STK33: variants seen among roughly 807,000 people sequenced by gnomAD.
STK33 encodes the protein serine/threonine-protein kinase 33.
STK33 carries 52 observed loss-of-function variants against 58.0 expected under a neutral mutation model. The ratio of observed to expected loss-of-function variants is 0.90; its 90% CI spans 0.72 to 1.13. The LOEUF (loss-of-function observed/expected upper bound fraction) is 1.13, where lower values mean the gene tolerates loss of function less well. STK33 is among the 50% of genes most tolerant of loss of function. The pLI is 0.00. For synonymous variants in STK33, 215 were observed against 200.1 expected (o/e 1.07, Z -0.63); for missense variants, 630 against 604.2 (o/e 1.04, Z -0.45).
intron 14 of STK33, among the ~76,000 whole-genome samples, chr11:8,422,102 G>T (rs181069914): frequency 4.1e-4 from 62 of 151,964 alleles, no homozygotes; most frequent in Non-Finnish European, 5.7e-4. Flanking sequence ...AATCCTTCTC[G>T]CATTTCCTAT....
In STK33 at chr11:8,440,894, T is replaced by C. The variant is rs1944661920; in HGVS notation, c.872-141A>G. On this transcript the variant is annotated intron_variant, in intron 11 of 15. Coordinates refer to ENST00000687296, the MANE Select transcript of STK33 (RefSeq NM_001352389.2). ...AAGAGAACCAACAGCAGATCTTAAA[T>C]GAATAATGCACAGGCCTTAACAATT... 1.1e-5 allele frequency: 8 copies of C among 759,574 alleles called. No homozygotes were observed. In the Admixed American group the frequency reaches 1.8e-4, roughly 17 times the overall value. 47.1% of individuals were successfully genotyped at this position (759,574 alleles called of 1,614,324 possible). A position where few individuals can be genotyped will look rare whatever the true frequency, so the allele number is the denominator to read the frequency against.
chr11:8,441,991 G>C (rs1158614515), intron 11 of STK33, among the ~76,000 whole-genome samples: 2 of 150,284 alleles, frequency 1.3e-5, no homozygotes, highest in African/African-American at 4.9e-5. Flanking sequence ...TTTTATTTTA[G>C]AAAAGTTTCA....
At chr11:8,462,097 T>G (rs932753875) in intron 7 of STK33, among the ~76,000 whole-genome samples, 188 bp from the exon 8 acceptor site, 1 of 152,194 alleles carries the variant, frequency 6.6e-6, no homozygotes, top group Non-Finnish European at 1.5e-5. Flanking sequence ...CAGATTAAAT[T>G]ATGCCCCTTC....
chr11:8,584,445 GA>G (rs1328881358), intron 1 of STK33, among the ~76,000 whole-genome samples: 2 of 152,148 alleles, frequency 1.3e-5, no homozygotes, highest in East Asian at 3.8e-4. Context: ...AACAAGACTA[GA>G]ACTCCTGAGC....
chr11:8,559,160 G>A (rs1029510253), intron 1 of STK33, among the ~76,000 whole-genome samples: 1 of 152,138 alleles, frequency 6.6e-6, no homozygotes, highest in African/African-American at 2.4e-5. Context: ...GGTAAATACA[G>A]CATTTGATCA....
chr11:8,394,954 T>C (rs1025220858), intron 15 of STK33, among the ~76,000 whole-genome samples: 2 of 152,174 alleles, frequency 1.3e-5, no homozygotes, highest in Admixed American at 6.5e-5. Flanking sequence ...CCTTACCCCC[T>C]AGTTAACTGA....
Position 8,560,157 on chromosome 11 carries a change from T to A in STK33, c.-466+33926A>T, listed in dbSNP as rs1957025124. Among the ~76,000 whole-genome samples the A allele has an allele frequency of 2.6e-5, 4 of 152,178 alleles. No homozygotes were observed. In the South Asian group the frequency reaches 6.2e-4, roughly 24 times the overall value. ...TGAATATATTTGTAGAATACACTCT[T>A]AGCAGTAGCACTGCAGAGATAAATG... is the stretch of plus-strand genomic sequence containing the variant. On this transcript the variant is annotated intron_variant, in intron 1 of 15. Coordinates refer to ENST00000687296, the MANE Select transcript of STK33 (RefSeq NM_001352389.2).
chr11:8,343,251 G>A, the STK33 span, among the ~76,000 whole-genome samples: 1 of 152,268 alleles, frequency 6.6e-6, no homozygotes, highest in Non-Finnish European at 1.5e-5. Flanking sequence ...GGGGCAGGAA[G>A]CCATCACAGA....
intron 1 of STK33, among the ~76,000 whole-genome samples, chr11:8,560,121 G>C (rs1392492697): frequency 1.3e-5 from 2 of 151,826 alleles, no homozygotes; most frequent in African/African-American, 2.4e-5. Context: ...ATATATCTTT[G>C]TATACTAAGA....
chr11:8,480,046 A>G (rs1481385081), intron 2 of STK33, among the ~76,000 whole-genome samples: 1 of 152,186 alleles, frequency 6.6e-6, no homozygotes, highest in African/African-American at 2.4e-5. Context: ...GATCATATGG[A>G]GAAGAGATAT....
the STK33 span, among the ~76,000 whole-genome samples, chr11:8,352,218 G>C: frequency 1.3e-5 from 2 of 152,212 alleles, no homozygotes; most frequent in Non-Finnish European, 2.9e-5. Context: ...GCTGTGGCCA[G>C]AGCCTAGCAG....
rs537542430 is a variant in STK33, at chr11:8,472,880, C to T, written c.339+283G>A. On this transcript the variant is annotated intron_variant, in intron 6 of 15. Transcript: ENST00000687296. ...TGAAAAGGTCTAAACAAAGACTCCA[C>T]TATTGCTTTCAGCAACGGCCAAGAC... Among the ~76,000 whole-genome samples, 24 of 152,318 alleles carry T rather than the reference C, an allele frequency of 1.6e-4. No homozygotes were observed. In the East Asian group the frequency reaches 4.6e-3, roughly 29 times the overall value.
At chr11:8,356,035 A>C in the STK33 span, among the ~76,000 whole-genome samples, 2 of 152,190 alleles carry the variant, frequency 1.3e-5, no homozygotes, top group Admixed American at 6.5e-5. Context: ...AAAGAAACCA[A>C]ACGCCGTTCT....
intron 10 of STK33, 87 bp downstream of exon 10, chr11:8,454,657 C>A: frequency 1.4e-6 from 2 of 1,417,566 alleles, no homozygotes; most frequent in Non-Finnish European, 1.9e-6. Flanking sequence ...CAAAAGCTAG[C>A]AACATGTGTC....
chr11:8,473,293 AAT>A lies in STK33; in HGVS notation c.226-19_226-18del. The A allele has an allele frequency of 6.9e-7, 1 of 1,451,590 alleles. No homozygotes were observed. The highest frequency in any genetic ancestry group is 1.4e-5 in the African/African-American group (1 of 69,990). 89.9% of individuals were successfully genotyped at this position (1,451,590 alleles called of 1,614,324 possible). A position where few individuals can be genotyped will look rare whatever the true frequency, so the allele number is the denominator to read the frequency against. On this transcript the variant is annotated intron_variant, in intron 5 of 15. Transcript: ENST00000687296. ...TCTTGAGGGCTGGGACCAAAAAAAA[AAT>A]TAAAAAAAAAAAACTTTAAGATGTA...
chr11:8,488,883 C>A (rs1221509798), intron 1 of STK33, among the ~76,000 whole-genome samples: 2 of 152,108 alleles, frequency 1.3e-5, no homozygotes, highest in Non-Finnish European at 2.9e-5. Context: ...CCTAAGGAGG[C>A]CCAAATGTTG....
chr11:8,343,708 C>A, the STK33 span, among the ~76,000 whole-genome samples: 2 of 152,168 alleles, frequency 1.3e-5, no homozygotes, highest in Non-Finnish European at 2.9e-5. Context: ...CCCAGCACCC[C>A]CTCTCCAATC....
At chr11:8,421,908 T>C (rs1404949279) in intron 14 of STK33, among the ~76,000 whole-genome samples, 1 of 152,146 alleles carries the variant, frequency 6.6e-6, no homozygotes, top group Non-Finnish European at 1.5e-5. Flanking sequence ...GACTTTTGTA[T>C]ATTAATCTTA....
At chr11:8,339,380 G>T in the STK33 span, among the ~76,000 whole-genome samples, 5 of 152,312 alleles carry the variant, frequency 3.3e-5, no homozygotes, top group East Asian at 7.7e-4. Flanking sequence ...CAGGCAAGTC[G>T]TTTACTGACC....
Sources: allele counts gnomAD v4.1 joint callset (sites outside exome capture counted in the v4.1 genomes callset), GRCh38; gene constraint gnomAD v4.1.1; transcripts MANE v1.5; gene names NCBI Gene and HGNC (gene_info 2026-07-23, HGNC 2026-07-21).